Variants in VAV2 observed in about 807,000 individuals in gnomAD.
The protein encoded by VAV2 is guanine nucleotide exchange factor VAV2.
In VAV2, 67 loss-of-function variants were observed where a neutral mutation model predicts 132.5. That is an observed-to-expected ratio of 0.51 (90% confidence interval 0.42 to 0.62). VAV2 has a LOEUF of 0.62. VAV2 is among the 20% of genes least tolerant of loss of function. VAV2 has a pLI of 0.00. For missense variants in VAV2, 938 were observed against 1,153.6 expected (o/e 0.81, Z 2.71); for synonymous variants, 492 against 443.5 (o/e 1.11, Z -1.37).
chr9:133,845,256 G>T (rs754601593), intron 3 of VAV2, among the ~76,000 whole-genome samples: 5 of 152,242 alleles, frequency 3.3e-5, no homozygotes, highest in Non-Finnish European at 5.9e-5. Context: ...CTGAATCCAC[G>T]GGCTGGATGG....
intron 1 of VAV2, among the ~76,000 whole-genome samples, chr9:133,954,525 C>G (rs1841679991): frequency 6.6e-6 from 1 of 152,280 alleles, no homozygotes; most frequent in Non-Finnish European, 1.5e-5. Context: ...CGCCTGAAGG[C>G]TTCCGGAGAA....
chr9:133,785,627 G>T (rs1192979307), intron 17 of VAV2, 149 bp downstream of exon 17: 6 of 640,610 alleles, frequency 9.4e-6, no homozygotes, highest in Non-Finnish European at 1.6e-5. Flanking sequence ...CGTCCCAGGG[G>T]TGATGGAGGT....
rs748281112 is a variant in VAV2 at position 133,794,027 on chromosome 9, C to T, written c.1101+1641G>A. Among the ~76,000 whole-genome samples the T allele has an allele frequency of 6.6e-6, 1 of 152,142 alleles. No homozygotes were observed. The highest frequency in any genetic ancestry group is 6.5e-5 in the Admixed American group (1 of 15,284). ...AGTCACCGAGTACTTTGTGCAGCAC[C>T]GTGAGCTACACTCCTGGGAAACCAT... On this transcript the variant is annotated intron_variant, in intron 12 of 29. Coordinates refer to ENST00000371850, the MANE Select transcript of VAV2 (RefSeq NM_001134398.2). The surrounding 1 kb of genome is among the most constrained non-coding windows in gnomAD (Gnocchi z 4.6).
chr9:133,945,380 A>G (rs1036270634), intron 1 of VAV2, among the ~76,000 whole-genome samples: 1 of 152,222 alleles, frequency 6.6e-6, no homozygotes, highest in African/African-American at 2.4e-5. Context: ...ATGGGGCCAG[A>G]GAGGAGGGGG....
intron 1 of VAV2, among the ~76,000 whole-genome samples, chr9:133,941,803 C>A (rs1167790497): frequency 1.3e-5 from 2 of 152,152 alleles, no homozygotes; most frequent in African/African-American, 4.8e-5. Flanking sequence ...GGGGTTTCTC[C>A]ACGTTGGTCA....
At chr9:133,938,889 C>A (rs1210846486) in intron 2 of VAV2, among the ~76,000 whole-genome samples, 1 of 152,184 alleles carries the variant, frequency 6.6e-6, no homozygotes, top group East Asian at 1.9e-4. Context: ...AAGGGGCCAT[C>A]CCGTTGTCCC....
Position 133,861,406 on chromosome 9 carries a change from G to T in VAV2, c.348C>A (p.Ser116=). 1 of 1,613,534 alleles carries T rather than the reference G, an allele frequency of 6.2e-7. No homozygotes were observed. The highest frequency in any genetic ancestry group is 8.5e-7 in the Non-Finnish European group (1 of 1,179,830). ...GKVISAVSRL[S]LHSIAQNKGI... ...CTTTGTTCTGCGCGATGCTGTGCAG[G>T]GAGAGCCTCGACACCGCGGAGATGA... The change falls in exon 3 of 30, where the codon TCC becomes TCA. Residue 116 remains serine (S), a synonymous_variant. Transcript: ENST00000371850.
At position 133,959,191 on chromosome 9, in the gene VAV2, C is replaced by T. The variant is rs550661775; in HGVS notation, c.205-19972G>A. ...TGGTCCCACTGCCACCAACAGTCCT[C>T]AACCCCAGGCTGCAGGAGAGATGCT... On this transcript the variant is annotated intron_variant, in intron 1 of 29. Transcript: ENST00000371850. 5.9e-5 allele frequency among the ~76,000 whole-genome samples: 9 copies of T among 152,322 alleles called. No homozygotes were observed. In the South Asian group the frequency reaches 1.4e-3, roughly 25 times the overall value.
intron 2 of VAV2, among the ~76,000 whole-genome samples, chr9:133,898,770 G>A (rs1291248759): frequency 6.6e-6 from 1 of 150,956 alleles, no homozygotes; most frequent in African/African-American, 2.4e-5. Flanking sequence ...CCCCTGGTCA[G>A]AGCCACCACA....
Position 133,826,655 on chromosome 9 carries a change from T to C in VAV2, c.449+7617A>G, listed in dbSNP as rs1835999107. On this transcript the variant is annotated intron_variant, in intron 4 of 29. Coordinates refer to ENST00000371850, the MANE Select transcript of VAV2 (RefSeq NM_001134398.2). The surrounding 1 kb of genome is among the most constrained non-coding windows in gnomAD (Gnocchi z 4.2). ...TCCAACCACCCCTCCCCCAGCCACC[T>C]AGGATGAAGCGGTGGCTAAATAAAG... 6.6e-6 allele frequency among the ~76,000 whole-genome samples: 1 copy of C among 152,162 alleles called. No homozygotes were observed. Among genetic ancestry groups the C allele is most frequent in the African/African-American group, 2.4e-5 (1 of 41,442 alleles).
At chr9:133,791,917 G>C in intron 12 of VAV2, 48 bp from the exon 13 acceptor site, 4 of 1,439,028 alleles carry the variant, frequency 2.8e-6, no homozygotes, top group Non-Finnish European at 3.9e-6. Flanking sequence ...GGTGGGGTGT[G>C]TGTGACTGTG....
At chr9:133,910,977 G>A (rs939409242) in intron 2 of VAV2, among the ~76,000 whole-genome samples, 1 of 152,166 alleles carries the variant, frequency 6.6e-6, no homozygotes, top group African/African-American at 2.4e-5. Context: ...GGTCACGGCA[G>A]TGATGGGACA....
At chr9:133,957,534 C>A (rs1405473502) in intron 1 of VAV2, among the ~76,000 whole-genome samples, 1 of 152,142 alleles carries the variant, frequency 6.6e-6, no homozygotes, top group South Asian at 2.1e-4. Context: ...CCCTGCCTCC[C>A]CGGCTGCAGG....
rs1588151518 is a variant in VAV2, at chr9:133,769,620, C to G, written c.2348-117G>C. 3 of 1,115,596 alleles carry G rather than the reference C, an allele frequency of 2.7e-6. No homozygotes were observed. The highest frequency in any genetic ancestry group is 3.8e-6 in the Non-Finnish European group (3 of 781,256). 69.1% of individuals were successfully genotyped at this position (1,115,596 alleles called of 1,614,324 possible). A position where few individuals can be genotyped will look rare whatever the true frequency, so the allele number is the denominator to read the frequency against. ...GGGGCAGGCCCTTTGGCAGGAGAGG[C>G]CCTACAGGGGGGCAAAGGAGGCAGG... On this transcript the variant is annotated intron_variant, in intron 27 of 29. Transcript: ENST00000371850. The surrounding 1 kb of genome is among the most constrained non-coding windows in gnomAD (Gnocchi z 8.1).
Position 133,971,160 on chromosome 9 carries a change from G to A in VAV2, c.204+20915C>T, listed in dbSNP as rs1291336863. 4.6e-5 allele frequency among the ~76,000 whole-genome samples: 7 copies of A among 152,198 alleles called. No homozygotes were observed. The South Asian group carries it at 1.0e-3, about 23-fold the overall frequency. On this transcript the variant is annotated intron_variant, in intron 1 of 29. Transcript: ENST00000371850. Reference sequence around the variant, plus strand: ...CCCCCAACGAAGTCAGGCAGAGTCCGTGTGCCCTCTGACCCTCAGTCTCCA... The same window carrying A: ...CCCCCAACGAAGTCAGGCAGAGTCCATGTGCCCTCTGACCCTCAGTCTCCA...
intron 13 of VAV2, among the ~76,000 whole-genome samples, chr9:133,791,181 C>T (rs1159939806): frequency 6.6e-6 from 1 of 152,204 alleles, no homozygotes; most frequent in African/African-American, 2.4e-5. Flanking sequence ...GAGTTTGCTT[C>T]CTGGGGTGGC....
intron 2 of VAV2, among the ~76,000 whole-genome samples, chr9:133,914,317 C>A (rs62575346): frequency 6.6e-6 from 1 of 152,066 alleles, no homozygotes; most frequent in South Asian, 2.1e-4. Context: ...CACCGGGACA[C>A]GAATGTCCCC....
chr9:133,785,959 T>C (rs887363253), intron 16 of VAV2, 74 bp from the exon 17 acceptor site: 2 of 1,350,758 alleles, frequency 1.5e-6, no homozygotes, highest in African/African-American at 2.9e-5. Flanking sequence ...ACGTGTACTC[T>C]CGCCTGTGCA....
At chr9:133,913,429 G>A (rs1262014827) in intron 2 of VAV2, among the ~76,000 whole-genome samples, 1 of 152,202 alleles carries the variant, frequency 6.6e-6, no homozygotes, top group Admixed American at 6.5e-5. Context: ...CAGGGGTGGT[G>A]CGCGCTTCCT....
Sources: allele counts gnomAD v4.1 joint callset (sites outside exome capture counted in the v4.1 genomes callset), GRCh38; gene constraint gnomAD v4.1.1; non-coding constraint Gnocchi (gnomAD v3.1); transcripts MANE v1.5; gene names NCBI Gene and HGNC (gene_info 2026-07-23, HGNC 2026-07-21).